PCDHGB1: variants seen among roughly 807,000 people sequenced by gnomAD.
PCDHGB1 encodes protocadherin gamma-B1.
PCDHGB1 carries 34 observed loss-of-function variants against 56.6 expected under a neutral mutation model. That is an observed-to-expected ratio of 0.60 (90% CI 0.46 to 0.80). PCDHGB1 has a LOEUF of 0.80. Ranked by LOEUF, PCDHGB1 falls within the 30% of genes least tolerant of loss-of-function variation. The probability of loss-of-function intolerance (pLI) is 0.00; values close to 1 mark genes in which losing one functional copy is unlikely to be tolerated. For missense variants in PCDHGB1, 1,278 were observed against 1,204.6 expected (o/e 1.06, Z -0.90); for synonymous variants, 561 against 505.9 (o/e 1.11, Z -1.46).
At chr5:141,407,316 G>A (rs2094914682) in intron 1 of PCDHGB1, among the ~76,000 whole-genome samples, 1 of 152,094 alleles carries the variant, frequency 6.6e-6, no homozygotes, top group Non-Finnish European at 1.5e-5. Flanking sequence ...TTCATACTTA[G>A]TATTTATAAA....
rs751177252 is a variant in PCDHGB1 at position 141,415,407 on chromosome 5, T to G, written c.2409+62738T>G. The G allele has an allele frequency of 1.9e-6, 3 of 1,614,086 alleles. No homozygotes were observed. The African/African-American group carries it at 4.0e-5, about 22-fold the overall frequency. ...TGACAGGTGTGTCCGGCTCGCACTTTGTGGGCGTGGACGGGGTTCGGGCTT... is the reference window on the plus strand; with the variant it reads ...TGACAGGTGTGTCCGGCTCGCACTTGGTGGGCGTGGACGGGGTTCGGGCTT... On this transcript the variant is annotated intron_variant, in intron 1 of 3. Transcript: ENST00000523390.
At chr5:141,458,403 C>T (rs1057108239) in intron 1 of PCDHGB1, among the ~76,000 whole-genome samples, 6 of 152,136 alleles carry the variant, frequency 3.9e-5, no homozygotes, top group African/African-American at 1.2e-4. Context: ...CTTGCAGAGA[C>T]GGAGCGGGGG....
intron 1 of PCDHGB1, among the ~76,000 whole-genome samples, chr5:141,492,762 T>C (rs917580804): frequency 2.6e-5 from 4 of 152,206 alleles, no homozygotes; most frequent in African/African-American, 9.6e-5. Flanking sequence ...GGGCTCCGCG[T>C]TGGGCGAGTG....
At chr5:141,372,344 A>G in intron 1 of PCDHGB1, 1 of 1,613,770 alleles carries the variant, frequency 6.2e-7, no homozygotes, top group Non-Finnish European at 8.5e-7. Flanking sequence ...GTGATGGAGG[A>G]CAGCAGCCTC....
chr5:141,412,963 G>T, intron 1 of PCDHGB1: 1 of 518,228 alleles, frequency 1.9e-6, no homozygotes, highest in East Asian at 3.1e-5. Context: ...TCACCTACTA[G>T]GAGAGAAAAC....
rs773729429 is a variant in PCDHGB1, at chr5:141,491,406, C to T, written c.2410-3401C>T. ...CGAAGTGCCTTCAGGGAAACGCAGA[C>T]GGGGACGGGGGTGGAGGGCAGTGCT... On this transcript the variant is annotated intron_variant, in intron 1 of 3. Transcript: ENST00000523390. The surrounding 1 kb of genome is among the most constrained non-coding windows in gnomAD (Gnocchi z 6.9). The T allele has an allele frequency of 1.2e-6, 2 of 1,614,096 alleles. No homozygotes were observed. The highest frequency in any genetic ancestry group is 1.7e-6 in the Non-Finnish European group (2 of 1,179,990).
chr5:141,411,921 T>C (rs1426892834), intron 1 of PCDHGB1: 1 of 152,234 alleles, frequency 6.6e-6, no homozygotes, highest in Non-Finnish European at 1.5e-5. Context: ...TCAGTCTCTG[T>C]CTCTGATTCT....
intron 1 of PCDHGB1, chr5:141,419,105 C>G: frequency 6.2e-7 from 1 of 1,613,918 alleles, no homozygotes; most frequent in Non-Finnish European, 8.5e-7. Context: ...GGAGCAGACC[C>G]CAGAGTACAA....
chr5:141,375,429 C>T (rs1049627462), intron 1 of PCDHGB1: 1 of 1,613,840 alleles, frequency 6.2e-7, no homozygotes, highest in African/African-American at 1.3e-5. Context: ...AACGACAACC[C>T]GCCCACCTTC....
intron 1 of PCDHGB1, chr5:141,422,463 C>G (rs1461108652): frequency 6.2e-7 from 1 of 1,613,472 alleles, no homozygotes; most frequent in Non-Finnish European, 8.5e-7. Flanking sequence ...GAGTGCTGGA[C>G]AGGGAGTTGG....
chr5:141,392,659 A>G, intron 1 of PCDHGB1: 1 of 788,300 alleles, frequency 1.3e-6, no homozygotes, highest in Non-Finnish European at 1.9e-6. Context: ...CGCAGATGCC[A>G]CAAACTAACT....
chr5:141,351,925 G>C lies in PCDHGB1; in HGVS notation c.1665G>C (p.Ala555=), dbSNP rs763243982. ...TGGTGGGCGACCTCAATGACAATGC[G>C]CCACGGGTGCTGTACCCCGCGCTGG... ...RVLVGDLNDN[A]PRVLYPALGP... Residue 555 remains alanine (A), a synonymous_variant, in exon 1 of 4, where the codon GCG becomes GCC. Coordinates refer to ENST00000523390, the MANE Select transcript of PCDHGB1 (RefSeq NM_018922.3). The C allele has an allele frequency of 3.1e-6, 5 of 1,613,306 alleles. No individual in the cohort carries two copies. The highest frequency in any genetic ancestry group is 4.2e-6 in the Non-Finnish European group (5 of 1,179,748).
chr5:141,509,691 AC>A (rs1471858383), intron 3 of PCDHGB1, among the ~76,000 whole-genome samples: 5 of 152,064 alleles, frequency 3.3e-5, no homozygotes, highest in African/African-American at 1.2e-4. Flanking sequence ...GTACAGTGGG[AC>A]GTTGGACTGG....
At chr5:141,470,511 A>T (rs1043414941) in intron 1 of PCDHGB1, among the ~76,000 whole-genome samples, 37 of 152,198 alleles carry the variant, frequency 2.4e-4, no homozygotes, top group African/African-American at 8.7e-4. Flanking sequence ...TTAGACAGTT[A>T]GCTAATATTA....
rs761472193 is a variant in PCDHGB1 at position 141,370,472 on chromosome 5, C to A, written c.2409+17803C>A. 115 of 1,613,332 alleles carry A rather than the reference C, an allele frequency of 7.1e-5. No individual in the cohort carries two copies. The Admixed American group carries it at 1.9e-3, about 27-fold the overall frequency. On this transcript the variant is annotated intron_variant, in intron 1 of 3. Transcript: ENST00000523390. ...TTCTCTTCCTGCTCTCTTTGTTAGA[C>A]CAGGCTCTCTCCGAACCGATCCGCT...
intron 1 of PCDHGB1, chr5:141,388,942 T>C: frequency 6.2e-7 from 1 of 1,614,004 alleles, no homozygotes; most frequent in African/African-American, 1.3e-5. Flanking sequence ...CTACCCAACC[T>C]AATTATGGAG....
At position 141,431,398 on chromosome 5, in the gene PCDHGB1, G is replaced by A. The variant is rs1052461071; in HGVS notation, c.2410-63409G>A. ...AGGCTGCTCACCACCTGGTCCTTACGGCCTCCGACGGGGGCGACCCGGTGC... is the reference window on the plus strand; with the variant it reads ...AGGCTGCTCACCACCTGGTCCTTACAGCCTCCGACGGGGGCGACCCGGTGC... On this transcript the variant is annotated intron_variant, in intron 1 of 3. Coordinates refer to ENST00000523390, the MANE Select transcript of PCDHGB1 (RefSeq NM_018922.3). This position sits in a 1 kb window ranked among gnomAD's most constrained non-coding sequence, Gnocchi z 4.8. The A allele has an allele frequency of 6.8e-6, 11 of 1,613,768 alleles. No homozygotes were observed. Among genetic ancestry groups the A allele is most frequent in the Non-Finnish European group, 9.3e-6 (11 of 1,180,036 alleles).
rs1051300319 is a variant in PCDHGB1 at position 141,491,957 on chromosome 5, A to T, written c.2410-2850A>T. ...GACCGACCCCCACCCCTACACTCAA[A>T]AAAGGCCGGGGCCTCCTTCGAGCTT... is the stretch of plus-strand genomic sequence containing the variant. On this transcript the variant is annotated intron_variant, in intron 1 of 3. Coordinates refer to ENST00000523390, the MANE Select transcript of PCDHGB1 (RefSeq NM_018922.3). The surrounding 1 kb of genome is among the most constrained non-coding windows in gnomAD (Gnocchi z 6.9). 3.6e-5 allele frequency: 37 copies of T among 1,020,096 alleles called. No individual in the cohort carries two copies. The highest frequency in any genetic ancestry group is 5.0e-5 in the Non-Finnish European group (37 of 736,248). The allele number at this position is 1,020,096 out of a possible 1,614,324, so 63.2% of individuals were successfully genotyped here.
rs375711929 is a variant in PCDHGB1 at position 141,364,934 on chromosome 5, C to T, written c.2409+12265C>T. 6 of 1,613,896 alleles carry T rather than the reference C, an allele frequency of 3.7e-6. No individual in the cohort carries two copies. Among genetic ancestry groups the T allele is most frequent in the Non-Finnish European group, 5.1e-6 (6 of 1,179,876 alleles). On this transcript the variant is annotated intron_variant, in intron 1 of 3. Transcript: ENST00000523390. Reference sequence around the variant, plus strand: ...GCTGGTGTTGGAACAGCCCCTAGACCGCGAGAAAGAGACTGTTCACGACCT... The same window carrying T: ...GCTGGTGTTGGAACAGCCCCTAGACTGCGAGAAAGAGACTGTTCACGACCT...
Sources: gnomAD v4.1 joint callset for allele counts (sites outside exome capture counted in the v4.1 genomes callset) on GRCh38, gnomAD v4.1.1 for gene constraint, Gnocchi (gnomAD v3.1) non-coding constraint, MANE v1.5 for transcripts, NCBI Gene and HGNC (gene_info 2026-07-23, HGNC 2026-07-21) for gene names.